Variants in FRMD6 observed in about 807,000 individuals in gnomAD.
The protein encoded by FRMD6 is FERM domain-containing protein 6.
A neutral mutation model predicts 73.2 loss-of-function variants in FRMD6; 37 were observed. That is an observed-to-expected ratio of 0.51 (90% CI 0.39 to 0.66). The LOEUF is 0.66. FRMD6 is among the 30% of genes least tolerant of loss of function. The pLI is 0.00. For synonymous variants in FRMD6, 273 were observed against 282.2 expected (o/e 0.97, Z 0.33); for missense variants, 714 against 780.5 (o/e 0.91, Z 1.02).
chr14:51,626,651 C>T lies in FRMD6; in HGVS notation c.-147+56241C>T, dbSNP rs7161583. 8.2e-3 allele frequency among the ~76,000 whole-genome samples: 1,255 copies of T among 152,280 alleles called. 18 individuals carry two copies. Among genetic ancestry groups the T allele is most frequent in the African/African-American group, 0.028 (1,183 of 41,558 alleles). On this transcript the variant is annotated intron_variant, in intron 2 of 14. Coordinates refer to the FRMD6 transcript ENST00000356218. ...AGCATTTTTGAAGAATATTTATTAT[C>T]ATGAGGTCTAGTTAGACCCATGGAG...
At chr14:51,407,219 A>G in the FRMD6 span, among the ~76,000 whole-genome samples, 45,821 of 151,728 alleles carry the variant, frequency 0.3, 7,422 homozygotes, top group African/African-American at 0.42. Context: ...GTATTTGATT[A>G]GCTCATATTT....
intron 1 of FRMD6, among the ~76,000 whole-genome samples, chr14:51,557,623 T>C (rs139542850): frequency 1.3e-5 from 2 of 152,220 alleles, no homozygotes; most frequent in Non-Finnish European, 2.9e-5. Flanking sequence ...TTAGTAACAA[T>C]GTATTGTATA....
At chr14:51,602,371 T>C (rs187675546) in intron 2 of FRMD6, among the ~76,000 whole-genome samples, 95 of 152,308 alleles carry the variant, frequency 6.2e-4, no homozygotes, top group African/African-American at 2.3e-3. Flanking sequence ...CTTATGTCTC[T>C]AAGGATGAAT....
intron 1 of FRMD6, among the ~76,000 whole-genome samples, chr14:51,558,190 C>T (rs1173938846): frequency 2.0e-5 from 3 of 151,804 alleles, no homozygotes; most frequent in Non-Finnish European, 2.9e-5. Context: ...TAAATGAGGC[C>T]GGGCACGATG....
chr14:51,683,052 T>A (rs1426386641), intron 1 of FRMD6, among the ~76,000 whole-genome samples: 1 of 152,162 alleles, frequency 6.6e-6, no homozygotes, highest in Non-Finnish European at 1.5e-5. Context: ...ACGCACTGTC[T>A]TTCAGTACAT....
chr14:51,513,028 A>C (rs1399005866), intron 1 of FRMD6, among the ~76,000 whole-genome samples: 1 of 152,070 alleles, frequency 6.6e-6, no homozygotes, highest in Non-Finnish European at 1.5e-5. Context: ...TTCCACCCTC[A>C]CTCTCTCAAA....
the FRMD6 span, chr14:51,436,852 AGAG>A: frequency 6.1e-6 from 4 of 658,082 alleles, no homozygotes; most frequent in East Asian, 3.7e-5. Flanking sequence ...ATGATGAAGA[AGAG>A]GAGAAAGGAT....
At chr14:51,574,018 G>A (rs1888277961) in intron 2 of FRMD6, among the ~76,000 whole-genome samples, 1 of 152,086 alleles carries the variant, frequency 6.6e-6, no homozygotes, top group African/African-American at 2.4e-5. Flanking sequence ...TATTTTCTAT[G>A]AAGCATCTCT....
At chr14:51,683,552 G>A (rs1377089559) in intron 1 of FRMD6, among the ~76,000 whole-genome samples, 1 of 152,080 alleles carries the variant, frequency 6.6e-6, no homozygotes, top group Non-Finnish European at 1.5e-5. Flanking sequence ...GCCTCTCAAG[G>A]TGCTGGGATT....
intron 2 of FRMD6, among the ~76,000 whole-genome samples, chr14:51,589,403 CT>C (rs1566487764): frequency 6.7e-6 from 1 of 150,290 alleles, no homozygotes; most frequent in Non-Finnish European, 1.5e-5. Flanking sequence ...CTGATGGAAT[CT>C]TTTTTTATTT....
At chr14:51,401,397 C>T in the FRMD6 span, among the ~76,000 whole-genome samples, 1 of 152,176 alleles carries the variant, frequency 6.6e-6, no homozygotes, top group African/African-American at 2.4e-5. Flanking sequence ...GCTGTGTGTA[C>T]AGTTCTGCTT....
chr14:51,457,314 C>G, the FRMD6 span, among the ~76,000 whole-genome samples: 1 of 150,764 alleles, frequency 6.6e-6, no homozygotes, highest in Admixed American at 6.6e-5. Context: ...TAGGCAATAA[C>G]AAATAAAAGC....
chr14:51,676,259 G>T (rs1430970904), intron 1 of FRMD6, among the ~76,000 whole-genome samples: 4 of 152,122 alleles, frequency 2.6e-5, no homozygotes, highest in African/African-American at 7.2e-5. Context: ...ATCTGATACA[G>T]TGATAAATTT....
rs555876909 is a variant in FRMD6, at chr14:51,636,251, G to T, written c.-146-53440G>T. 6.6e-5 allele frequency among the ~76,000 whole-genome samples: 10 copies of T among 152,302 alleles called. No homozygotes were observed. The Middle Eastern group carries it at 0.01, about 155-fold the overall frequency. ...ACAATTGAGGTTTGATAACATCAAG[G>T]TTGTTTTGACCTAAGGGCAGGATTT... On this transcript the variant is annotated intron_variant, in intron 2 of 14. Coordinates refer to the FRMD6 transcript ENST00000356218.
chr14:51,423,859 G>A, the FRMD6 span, among the ~76,000 whole-genome samples: 9 of 152,188 alleles, frequency 5.9e-5, no homozygotes, highest in African/African-American at 2.2e-4. Context: ...GGCTGTTACT[G>A]TAAGTGGCTA....
intron 1 of FRMD6, among the ~76,000 whole-genome samples, chr14:51,667,190 T>G (rs1893662408): frequency 6.6e-6 from 1 of 152,180 alleles, no homozygotes; most frequent in Non-Finnish European, 1.5e-5. Context: ...ACAACTTTTA[T>G]TTTATGAAAC....
At chr14:51,492,347 C>T (rs746850931) in intron 1 of FRMD6, among the ~76,000 whole-genome samples, 1 of 152,142 alleles carries the variant, frequency 6.6e-6, no homozygotes, top group Non-Finnish European at 1.5e-5. Context: ...GCTGTCACAA[C>T]TGTCACAACT....
the FRMD6 span, among the ~76,000 whole-genome samples, chr14:51,470,055 A>G: frequency 3.3e-5 from 5 of 152,212 alleles, no homozygotes; most frequent in African/African-American, 1.2e-4. Context: ...TATTTAATCT[A>G]AAAACTTTGT....
rs1034107243 is a variant in FRMD6, at chr14:51,728,735, A to G, written c.*706A>G. On this transcript the variant is annotated 3_prime_UTR_variant, in exon 14 of 14. Transcript: ENST00000344768. ...CAGGATTCATTTGAGTTCCACATCC[A>G]AGTAACAGATGAATTATATTCATGT... 2 of 152,646 alleles carry G rather than the reference A, an allele frequency of 1.3e-5. No homozygotes were observed. 9.5% of individuals were successfully genotyped at this position (152,646 alleles called of 1,614,324 possible).
Sources: gnomAD v4.1 joint callset for allele counts (sites outside exome capture counted in the v4.1 genomes callset) on GRCh38, gnomAD v4.1.1 for gene constraint, MANE v1.5 for transcripts, NCBI Gene and HGNC (gene_info 2026-07-23, HGNC 2026-07-21) for gene names.